The following DLG2 variants were observed in gnomAD, a reference collection of about 807,000 sequenced individuals.
DLG2 encodes the protein discs large MAGUK scaffold protein 2, also known as disks large homolog 2.
DLG2 carries 45 observed loss-of-function variants against 132.5 expected under a neutral mutation model. That is an observed-to-expected ratio of 0.34 (90% CI 0.27 to 0.44). The LOEUF is 0.44. Ranked by LOEUF, DLG2 falls within the 20% of genes least tolerant of loss-of-function variation. The probability of loss-of-function intolerance (pLI) is 1.00; values close to 1 mark genes in which losing one functional copy is unlikely to be tolerated. For synonymous variants in DLG2, 424 were observed against 419.6 expected (o/e 1.01, Z -0.13); for missense variants, 1,045 against 1,196.9 (o/e 0.87, Z 1.87).
intron 8 of DLG2, among the ~76,000 whole-genome samples, chr11:84,205,946 AT>A (rs1367030356): frequency 6.6e-6 from 1 of 152,078 alleles, no homozygotes; most frequent in Non-Finnish European, 1.5e-5. Flanking sequence ...AATAAAACTG[AT>A]TTTTTTAAAG....
chr11:84,536,723 C>A (rs1477578909), intron 6 of DLG2, among the ~76,000 whole-genome samples: 1 of 152,178 alleles, frequency 6.6e-6, no homozygotes, highest in Non-Finnish European at 1.5e-5. Context: ...AAGTAGGAGT[C>A]AATCAGACTC....
intron 7 of DLG2, among the ~76,000 whole-genome samples, chr11:84,363,832 G>T (rs11233995): frequency 1.5e-4 from 22 of 151,262 alleles, no homozygotes; most frequent in South Asian, 6.3e-4. Flanking sequence ...GATATGCGGC[G>T]TTATTTCTGA....
intron 19 of DLG2, among the ~76,000 whole-genome samples, chr11:83,613,303 T>TA (rs2060369985): frequency 6.6e-6 from 1 of 152,210 alleles, no homozygotes; most frequent in Non-Finnish European, 1.5e-5. Flanking sequence ...CAGTCATTGC[T>TA]ATATACACAT....
chr11:85,078,983 C>T (rs349061), intron 6 of DLG2, among the ~76,000 whole-genome samples: 2 of 151,658 alleles, frequency 1.3e-5, no homozygotes, highest in South Asian at 4.2e-4. Context: ...AGAACATGCA[C>T]CCAAGGTAGT....
intron 6 of DLG2, among the ~76,000 whole-genome samples, chr11:84,913,986 T>G (rs1452068581): frequency 6.6e-6 from 1 of 152,204 alleles, no homozygotes; most frequent in Non-Finnish European, 1.5e-5. Context: ...AGGCTCACTG[T>G]AAACTCCTTT....
At chr11:84,520,159 T>A (rs375461603) in intron 7 of DLG2, among the ~76,000 whole-genome samples, 14 of 152,300 alleles carry the variant, frequency 9.2e-5, no homozygotes, top group African/African-American at 3.1e-4. Context: ...AAAACAAAAA[T>A]TTTTTAACTT....
intron 6 of DLG2, among the ~76,000 whole-genome samples, chr11:84,546,159 T>C (rs1021449631): frequency 1.3e-5 from 2 of 152,098 alleles, no homozygotes; most frequent in African/African-American, 4.8e-5. Flanking sequence ...CTGCTGGAGG[T>C]GGGGCCTGGT....
At chr11:85,567,503 C>A (rs976128608) in intron 3 of DLG2, among the ~76,000 whole-genome samples, 3 of 152,092 alleles carry the variant, frequency 2.0e-5, no homozygotes, top group African/African-American at 7.2e-5. Context: ...TACAATCTTT[C>A]TGAGCTTGTT....
intron 3 of DLG2, among the ~76,000 whole-genome samples, chr11:85,520,961 T>A (rs775755389): frequency 1.6e-4 from 25 of 152,000 alleles, no homozygotes; most frequent in Non-Finnish European, 3.4e-4. Context: ...TGGGCAAAGA[T>A]TTCTTGAGTA....
At chr11:83,917,997 T>C (rs532602474) in intron 15 of DLG2, among the ~76,000 whole-genome samples, 37 of 152,290 alleles carry the variant, frequency 2.4e-4, no homozygotes, top group African/African-American at 8.9e-4. Context: ...GTCCCCTTAG[T>C]AGCTGATTTT....
chr11:83,996,547 C>T (rs777433247), intron 11 of DLG2, among the ~76,000 whole-genome samples: 1 of 152,154 alleles, frequency 6.6e-6, no homozygotes, highest in Non-Finnish European at 1.5e-5. Context: ...TTTACAATAG[C>T]TAAGATTTTG....
chr11:83,712,491 G>A (rs897673164), intron 18 of DLG2, among the ~76,000 whole-genome samples: 5 of 152,046 alleles, frequency 3.3e-5, no homozygotes, highest in Non-Finnish European at 7.4e-5. Context: ...TTAGCCCGGT[G>A]TGGTGTTGCA....
At chr11:84,191,894 A>T (rs1315186550) in intron 8 of DLG2, among the ~76,000 whole-genome samples, 1 of 152,158 alleles carries the variant, frequency 6.6e-6, no homozygotes, top group Non-Finnish European at 1.5e-5. Flanking sequence ...TCTTCTGTTA[A>T]ATCTGCTGCT....
chr11:84,007,402 A>T (rs1490250731), intron 11 of DLG2, among the ~76,000 whole-genome samples: 1 of 151,716 alleles, frequency 6.6e-6, no homozygotes, highest in Non-Finnish European at 1.5e-5. Flanking sequence ...TTGCCATAAA[A>T]TCTATTTTAT....
chr11:84,055,350 C>T (rs778062701), intron 11 of DLG2, among the ~76,000 whole-genome samples: 23 of 152,070 alleles, frequency 1.5e-4, no homozygotes, highest in Admixed American at 3.9e-4. Context: ...TCAATTCATT[C>T]GCTTCATAGC....
intron 6 of DLG2, among the ~76,000 whole-genome samples, chr11:85,027,735 T>G (rs2060654728): frequency 6.6e-6 from 1 of 152,178 alleles, no homozygotes; most frequent in Non-Finnish European, 1.5e-5. Context: ...CACCTGCATC[T>G]GGATAAGGGG....
At chr11:83,886,939 A>T (rs2068075179) in intron 15 of DLG2, among the ~76,000 whole-genome samples, 1 of 151,964 alleles carries the variant, frequency 6.6e-6, no homozygotes, top group Non-Finnish European at 1.5e-5. Context: ...TCTGGGACAC[A>T]TTCAAAGCAG....
At chr11:84,103,327 A>G (rs1306775694) in intron 9 of DLG2, among the ~76,000 whole-genome samples, 1 of 152,148 alleles carries the variant, frequency 6.6e-6, no homozygotes, top group African/African-American at 2.4e-5. Flanking sequence ...CAATTGTCCC[A>G]GAGCCTGCCA....
At chr11:83,897,214 T>C (rs1037125507) in intron 15 of DLG2, among the ~76,000 whole-genome samples, 5 of 152,214 alleles carry the variant, frequency 3.3e-5, no homozygotes, top group African/African-American at 7.2e-5. Context: ...AGTGTGGATG[T>C]GATTTTACTG....
Sources: allele counts gnomAD v4.1 joint callset (sites outside exome capture counted in the v4.1 genomes callset), GRCh38; gene constraint gnomAD v4.1.1; transcripts MANE v1.5; gene names NCBI Gene and HGNC (gene_info 2026-07-23, HGNC 2026-07-21).